The following DNTT variants were observed in gnomAD, a reference collection of about 807,000 sequenced individuals.
DNTT encodes nucleosidetriphosphate:DNA deoxynucleotidylexotransferase.
DNTT carries 47 observed loss-of-function variants against 60.9 expected under a neutral mutation model. That is an observed-to-expected ratio of 0.77 (90% CI 0.61 to 0.98). The LOEUF (loss-of-function observed/expected upper bound fraction) is 0.98. Ranked by LOEUF, DNTT falls within the 50% of genes least tolerant of loss-of-function variation. The pLI, the probability that DNTT is intolerant of heterozygous loss-of-function variation, is 0.00. For synonymous variants in DNTT, 224 were observed against 221.2 expected, an observed-to-expected ratio of 1.01 and a Z score of -0.11; for missense variants, 665 against 627.5, an observed-to-expected ratio of 1.06 and a Z score of -0.64.
At chr10:96,326,330 T>G (rs968662494) in intron 6 of DNTT, among the ~76,000 whole-genome samples, 4 of 151,870 alleles carry the variant, frequency 2.6e-5, no homozygotes, top group African/African-American at 9.7e-5. Context: ...TTAATAAAAA[T>G]AAAAAATAAG....
intron 8 of DNTT, among the ~76,000 whole-genome samples, chr10:96,329,310 C>T (rs2133993527): frequency 6.6e-6 from 1 of 152,328 alleles, no homozygotes; most frequent in East Asian, 1.9e-4. Flanking sequence ...CTGAGCCCTG[C>T]AGAGGTCATG....
At chr10:96,304,848 A>G in intron 1 of DNTT, 148 bp downstream of exon 1, 2 of 894,858 alleles carry the variant, frequency 2.2e-6, no homozygotes, top group Non-Finnish European at 3.3e-6. Context: ...AAGAACAACT[A>G]GTTAAGGAAA....
rs1331744236 is a variant in DNTT at position 96,326,542 on chromosome 10, C to T, written c.875-926C>T. The stretch of plus-strand genomic sequence containing the variant: ...CACCCTGCTGCCTCCCTTCCACAAT[C>T]CCAGGGTGAGAAACAAGGACCAATA... On this transcript the variant is annotated intron_variant, in intron 6 of 10. Coordinates refer to ENST00000371174, the MANE Select transcript of DNTT (RefSeq NM_004088.4). Among the ~76,000 whole-genome samples the T allele has an allele frequency of 2.0e-5, 3 of 152,132 alleles. No individual in the cohort carries two copies. The East Asian group carries it at 5.8e-4, about 29-fold the overall frequency.
rs1845022557 is a variant in DNTT, at chr10:96,332,735, A to G, written c.1359+139A>G. ...GCCAGTACCCAGAAACCTCTAACTC[A>G]AGGCATCCTGTCCACACATGGCCAA... is the stretch of plus-strand genomic sequence containing the variant. On this transcript the variant is annotated intron_variant, in intron 9 of 10. Coordinates refer to ENST00000371174, the MANE Select transcript of DNTT (RefSeq NM_004088.4). 4.6e-6 allele frequency: 6 copies of G among 1,298,568 alleles called. No individual in the cohort carries two copies. The South Asian group carries it at 7.1e-5, about 15-fold the overall frequency. 80.4% of individuals were successfully genotyped at this position (1,298,568 alleles called of 1,614,324 possible).
At chr10:96,323,266 T>G (rs1844901921) in intron 5 of DNTT, among the ~76,000 whole-genome samples, 2 of 152,092 alleles carry the variant, frequency 1.3e-5, no homozygotes, top group South Asian at 4.1e-4. Context: ...GCCACTGTAC[T>G]CCAGCCTGGG....
At position 96,336,011 on chromosome 10, in the gene DNTT, T is replaced by C. The variant is rs774011939; in HGVS notation, c.1443+37T>C. 16 of 1,606,878 alleles carry C rather than the reference T, an allele frequency of 1.0e-5. No homozygotes were observed. In the South Asian group the frequency reaches 1.4e-4, roughly 14 times the overall value. ...TTCCTAAAAGGGGCTACTTTGATCCTCATCCCCAAGGCTGGCCCCCGAGCT... is the reference window on the plus strand; with the variant it reads ...TTCCTAAAAGGGGCTACTTTGATCCCCATCCCCAAGGCTGGCCCCCGAGCT... On this transcript the variant is annotated intron_variant, in intron 10 of 10. Coordinates refer to ENST00000371174, the MANE Select transcript of DNTT (RefSeq NM_004088.4).
intron 1 of DNTT, among the ~76,000 whole-genome samples, chr10:96,308,826 A>T (rs892326426): frequency 2.0e-5 from 3 of 152,142 alleles, no homozygotes; most frequent in African/African-American, 7.2e-5. Flanking sequence ...ATTACAAAGA[A>T]CCTTCTTAAG....
intron 10 of DNTT, 141 bp from the exon 11 acceptor site, chr10:96,337,997 T>C: frequency 1.6e-6 from 1 of 639,146 alleles, no homozygotes; most frequent in Non-Finnish European, 2.6e-6. Flanking sequence ...AAAATGACTT[T>C]TTATACTCAG....
intron 9 of DNTT, 51 bp downstream of exon 9, chr10:96,332,647 G>C: frequency 6.3e-7 from 1 of 1,593,120 alleles, no homozygotes; most frequent in Non-Finnish European, 8.6e-7. Context: ...GAAAGACGTA[G>C]GCCGAGTCTA....
intron 8 of DNTT, among the ~76,000 whole-genome samples, chr10:96,329,502 G>A (rs1315424560): frequency 6.6e-6 from 1 of 152,240 alleles, no homozygotes; most frequent in African/African-American, 2.4e-5. Context: ...CTTGGGACCT[G>A]TAGATAGGTC....
At chr10:96,322,256 G>C (rs1844889481) in intron 4 of DNTT, among the ~76,000 whole-genome samples, 1 of 152,216 alleles carries the variant, frequency 6.6e-6, no homozygotes, top group Non-Finnish European at 1.5e-5. Context: ...ACAAGGGCTT[G>C]AATGTAGATT....
At chr10:96,333,611 G>A (rs1298633388) in intron 9 of DNTT, among the ~76,000 whole-genome samples, 1 of 152,242 alleles carries the variant, frequency 6.6e-6, no homozygotes, top group African/African-American at 2.4e-5. Flanking sequence ...TGTAGTATAT[G>A]CACAGTGGAG....
chr10:96,335,828 G>A, intron 9 of DNTT, 63 bp from the exon 10 acceptor site: 2 of 1,553,300 alleles, frequency 1.3e-6, no homozygotes, highest in South Asian at 1.1e-5. Flanking sequence ...GAGGGATGTA[G>A]CCACCTAATA....
intron 2 of DNTT, 130 bp downstream of exon 2, chr10:96,318,656 A>AGC (rs749484681): frequency 2.1e-4 from 207 of 1,000,958 alleles, no homozygotes; most frequent in Non-Finnish European, 2.8e-4. Context: ...CAAGTCACTT[A>AGC]GCTTTACTGA....
At chr10:96,326,846 C>T (rs754586977) in intron 6 of DNTT, among the ~76,000 whole-genome samples, 1 of 152,196 alleles carries the variant, frequency 6.6e-6, no homozygotes, top group African/African-American at 2.4e-5. Flanking sequence ...ATACTTCACC[C>T]CAATCCTTGG....
rs191928600 is a variant in DNTT, at chr10:96,328,704, T to C, written c.1008-21T>C. 3.1e-4 allele frequency: 497 copies of C among 1,606,488 alleles called. No homozygotes were observed. In the African/African-American group the frequency reaches 5.4e-3, roughly 18 times the overall value. On this transcript the variant is annotated intron_variant, in intron 7 of 10. Coordinates refer to ENST00000371174, the MANE Select transcript of DNTT (RefSeq NM_004088.4). The stretch of plus-strand genomic sequence containing the variant: ...ACTAATATCTAATTGATTTCCATTT[T>C]ATACTGCTTTTGAAAATTAGGGGTA...
At chr10:96,327,710 T>C (rs1258662226) in intron 7 of DNTT, 110 bp downstream of exon 7, 5 of 1,484,240 alleles carry the variant, frequency 3.4e-6, no homozygotes, top group East Asian at 2.3e-5. Context: ...GCCAGCTTCT[T>C]TCTACAGCTT....
chr10:96,304,460 C>A lies in DNTT; in HGVS notation c.-38C>A. 6 of 1,611,472 alleles carry A rather than the reference C, an allele frequency of 3.7e-6. No individual in the cohort carries two copies. Among genetic ancestry groups the A allele is most frequent in the Non-Finnish European group, 5.1e-6 (6 of 1,179,526 alleles). On this transcript the variant is annotated 5_prime_UTR_variant, in exon 1 of 11. Transcript: ENST00000371174. ...GTCTCCCTCCCTTCTGGAGACACCA[C>A]CAGATGGGCCAGCCAGAGGCAGCAG...
intron 4 of DNTT, among the ~76,000 whole-genome samples, chr10:96,321,536 C>T (rs1002028188): frequency 3.9e-5 from 6 of 152,050 alleles, no homozygotes; most frequent in East Asian, 1.9e-4. Flanking sequence ...ATGCTCATGC[C>T]CACTCGCCCA....
Sources: allele counts gnomAD v4.1 joint callset (sites outside exome capture counted in the v4.1 genomes callset), GRCh38; gene constraint gnomAD v4.1.1; transcripts MANE v1.5; gene names NCBI Gene and HGNC (gene_info 2026-07-23, HGNC 2026-07-21).